KCNH1: variants seen among roughly 807,000 people sequenced by gnomAD.
KCNH1 encodes voltage-gated delayed rectifier potassium channel KCNH1.
A neutral mutation model predicts 69.2 loss-of-function variants in KCNH1; 27 were observed. That is an observed-to-expected ratio of 0.39 (90% CI 0.29 to 0.54). The LOEUF (loss-of-function observed/expected upper bound fraction) is 0.54. Ranked by LOEUF, KCNH1 falls within the 20% of genes least tolerant of loss-of-function variation. The pLI is 0.68. For synonymous variants in KCNH1, 456 were observed against 487.7 expected, an observed-to-expected ratio of 0.93 and a Z score of 0.86; for missense variants, 798 against 1,261.6, an observed-to-expected ratio of 0.63 and a Z score of 5.57.
chr1:210,739,723 G>T (rs1682970176), intron 10 of KCNH1, among the ~76,000 whole-genome samples: 3 of 152,166 alleles, frequency 2.0e-5, no homozygotes, highest in African/African-American at 7.2e-5. Flanking sequence ...TTGGAAATTG[G>T]CCATAGGGTC....
intron 7 of KCNH1, among the ~76,000 whole-genome samples, chr1:210,898,853 A>G (rs12130889): frequency 2.9e-4 from 44 of 152,332 alleles, no homozygotes; most frequent in Admixed American, 7.8e-4. Context: ...GCCTGGACTC[A>G]GGTAAAGACA....
rs552808369 is a variant in KCNH1, at chr1:210,682,630, G to A, written c.*651C>T. ...CTTACCCTTGCCTCACCTCCTTTGG[G>A]GAAGGAGACCTGAGGATTCCCAGCT... is the stretch of plus-strand genomic sequence containing the variant. On this transcript the variant is annotated 3_prime_UTR_variant, in exon 11 of 11. Coordinates refer to ENST00000271751, the MANE Select transcript of KCNH1 (RefSeq NM_172362.3). 1 of 152,526 alleles carries A rather than the reference G, an allele frequency of 6.6e-6. No individual in the cohort carries two copies. Among genetic ancestry groups the A allele is most frequent in the Admixed American group, 6.5e-5 (1 of 15,312 alleles). 9.4% of individuals were successfully genotyped at this position (152,526 alleles called of 1,614,324 possible). A position where few individuals can be genotyped will look rare whatever the true frequency, so the allele number is the denominator to read the frequency against.
chr1:210,943,082 A>G (rs1189284142), intron 6 of KCNH1, among the ~76,000 whole-genome samples: 3 of 152,194 alleles, frequency 2.0e-5, no homozygotes, highest in African/African-American at 4.8e-5. Flanking sequence ...TATCCTATGG[A>G]AAAAAATGCT....
intron 6 of KCNH1, among the ~76,000 whole-genome samples, chr1:210,935,688 G>A (rs577129232): frequency 3.9e-5 from 6 of 152,230 alleles, no homozygotes; most frequent in African/African-American, 1.4e-4. Flanking sequence ...TAATTCCATA[G>A]AGTTCTTTAA....
At chr1:211,002,334 G>A (rs1571569296) in intron 6 of KCNH1, among the ~76,000 whole-genome samples, 2 of 135,396 alleles carry the variant, frequency 1.5e-5, no homozygotes, top group Admixed American at 7.1e-5. Context: ...ATATGTGTGT[G>A]TGTGTATATA....
intron 5 of KCNH1, among the ~76,000 whole-genome samples, chr1:211,030,661 GA>G (rs904989982): frequency 1.3e-5 from 2 of 149,678 alleles, no homozygotes; most frequent in East Asian, 1.9e-4. Context: ...GTTTTTTTTA[GA>G]AAAAAAAAGA....
At chr1:211,111,196 G>C (rs1691453814) in intron 1 of KCNH1, among the ~76,000 whole-genome samples, 1 of 152,164 alleles carries the variant, frequency 6.6e-6, no homozygotes, top group African/African-American at 2.4e-5. Context: ...AAAATGTTCT[G>C]ATAACCTTTT....
chr1:210,859,232 C>T, intron 7 of KCNH1: 1 of 1,612,584 alleles, frequency 6.2e-7, no homozygotes, highest in Non-Finnish European at 8.5e-7. Context: ...AACTGGAGCA[C>T]TGAATTTGTA....
chr1:211,056,409 T>A lies in KCNH1; in HGVS notation c.558+26371A>T, dbSNP rs149151328. ...CAGGTAGATACCTAAGGTTCATGAC[T>A]CCGGGCCCTGGCTCCTGGACAGTAT... On this transcript the variant is annotated intron_variant, in intron 5 of 10. Transcript: ENST00000271751. Among the ~76,000 whole-genome samples the A allele has an allele frequency of 1.2e-3, 189 of 152,144 alleles. 1 individual carries two copies. The highest frequency in any genetic ancestry group is 4.3e-3 in the African/African-American group (179 of 41,496).
At chr1:210,833,260 A>G (rs1273139398) in intron 7 of KCNH1, among the ~76,000 whole-genome samples, 1 of 152,212 alleles carries the variant, frequency 6.6e-6, no homozygotes, top group Non-Finnish European at 1.5e-5. Flanking sequence ...AGAATTCATT[A>G]CAAAGCCACT....
chr1:210,999,357 A>G (rs1419273054), intron 6 of KCNH1, among the ~76,000 whole-genome samples: 3 of 152,226 alleles, frequency 2.0e-5, no homozygotes, highest in African/African-American at 7.2e-5. Flanking sequence ...ACAGAAATAC[A>G]AACTACCATC....
At chr1:211,042,003 C>T (rs982107608) in intron 5 of KCNH1, among the ~76,000 whole-genome samples, 1 of 152,184 alleles carries the variant, frequency 6.6e-6, no homozygotes, top group African/African-American at 2.4e-5. Context: ...GATCCACCCA[C>T]CTCAGCCTCC....
chr1:211,083,753 GC>G (rs1690902514), intron 4 of KCNH1, among the ~76,000 whole-genome samples: 1 of 152,168 alleles, frequency 6.6e-6, no homozygotes, highest in Admixed American at 6.5e-5. Context: ...ACAGCTAAAA[GC>G]AGGACTAGAT....
chr1:210,958,181 T>C (rs1211020003), intron 6 of KCNH1, among the ~76,000 whole-genome samples: 1 of 152,200 alleles, frequency 6.6e-6, no homozygotes, highest in Non-Finnish European at 1.5e-5. Context: ...AAACTTAGTT[T>C]GGCTGGATAT....
chr1:210,916,275 C>T (rs996855406), intron 7 of KCNH1, among the ~76,000 whole-genome samples: 6 of 152,292 alleles, frequency 3.9e-5, no homozygotes, highest in Admixed American at 2.0e-4. Context: ...TAATTACCAA[C>T]GCATTACGCC....
chr1:210,854,062 C>G (rs1406876029), intron 7 of KCNH1, among the ~76,000 whole-genome samples: 2 of 150,302 alleles, frequency 1.3e-5, no homozygotes, highest in African/African-American at 4.9e-5. Flanking sequence ...CATGTTATTC[C>G]AGAAACATTC....
At chr1:211,097,705 G>A (rs1691182567) in intron 3 of KCNH1, among the ~76,000 whole-genome samples, 1 of 152,180 alleles carries the variant, frequency 6.6e-6, no homozygotes, top group Admixed American at 6.5e-5. Flanking sequence ...GCATAGTGCT[G>A]AGCCTACAGT....
At chr1:210,696,005 G>A (rs1176900012) in intron 10 of KCNH1, among the ~76,000 whole-genome samples, 2 of 152,196 alleles carry the variant, frequency 1.3e-5, no homozygotes, top group Non-Finnish European at 2.9e-5. Flanking sequence ...CAGCAGCAGT[G>A]GTCAGCTTTA....
intron 7 of KCNH1, among the ~76,000 whole-genome samples, chr1:210,834,594 T>G (rs1685242683): frequency 2.1e-5 from 3 of 144,196 alleles, no homozygotes; most frequent in African/African-American, 5.2e-5. Flanking sequence ...AGATGACGAG[T>G]TAGTGGGTGA....
Sources: gnomAD v4.1 joint callset for allele counts (sites outside exome capture counted in the v4.1 genomes callset) on GRCh38, gnomAD v4.1.1 for gene constraint, MANE v1.5 for transcripts, NCBI Gene and HGNC (gene_info 2026-07-23, HGNC 2026-07-21) for gene names.